Variants in GET4 observed in about 807,000 individuals in gnomAD.
GET4 encodes Golgi to ER traffic protein 4 homolog.
A neutral mutation model predicts 40.0 loss-of-function variants in GET4; 20 were observed. The ratio of observed to expected loss-of-function variants is 0.50; its 90% CI spans 0.35 to 0.73. The LOEUF (loss-of-function observed/expected upper bound fraction) is 0.73, where lower values mean the gene tolerates loss of function less well. GET4 is among the 30% of genes least tolerant of loss of function. GET4 has a pLI of 0.01. For synonymous variants in GET4, 280 were observed against 194.6 expected, an observed-to-expected ratio of 1.44 and a Z score of -3.65; for missense variants, 557 against 454.0, an observed-to-expected ratio of 1.23 and a Z score of -2.06.
chr7:884,169 C>G, intron 1 of GET4: 1 of 1,293,982 alleles, frequency 7.7e-7, no homozygotes, highest in Non-Finnish European at 1.0e-6. Context: ...ATCGGCAAAG[C>G]AGAAGCTGGT....
intron 6 of GET4, 121 bp downstream of exon 6, chr7:892,539 G>C (rs1281681722): frequency 2.9e-6 from 3 of 1,041,984 alleles, no homozygotes; most frequent in Non-Finnish European, 4.2e-6. Flanking sequence ...AGCCGTGTGG[G>C]TATATGCATA....
chr7:884,122 G>C, intron 1 of GET4: 1 of 1,221,222 alleles, frequency 8.2e-7, no homozygotes, highest in Non-Finnish European at 1.1e-6. Context: ...GCCACCTCTT[G>C]CTTTACCTCA....
chr7:891,957 G>T (rs1844333082), intron 5 of GET4, among the ~76,000 whole-genome samples: 1 of 152,210 alleles, frequency 6.6e-6, no homozygotes, highest in African/African-American at 2.4e-5. Flanking sequence ...TCTGGTGCGG[G>T]CCAGCGCCTG....
chr7:895,894 A>AACAC lies in GET4; in HGVS notation c.*473_*476dup, dbSNP rs1487261773. ...CTGCAAATGGGAGCGGCTGTTTTTG[A>AACAC]ACACGGGGTCATTCTGCAGTCAGGA... On this transcript the variant is annotated 3_prime_UTR_variant, in exon 9 of 9. Transcript: ENST00000265857. The AACAC allele has an allele frequency of 2.0e-5, 3 of 152,638 alleles. No individual in the cohort carries two copies. The highest frequency in any genetic ancestry group is 4.4e-5 in the Non-Finnish European group (3 of 68,298). The allele number at this position is 152,638 out of a possible 1,614,324, so 9.5% of individuals were successfully genotyped here.
At chr7:878,681 C>G (rs894580174) in intron 1 of GET4, among the ~76,000 whole-genome samples, 1 of 151,326 alleles carries the variant, frequency 6.6e-6, no homozygotes, top group African/African-American at 2.4e-5. Flanking sequence ...CGAGTTCAAG[C>G]TATATTCTCC....
At chr7:881,879 C>T (rs1428690741) in intron 1 of GET4, 1 of 152,226 alleles carries the variant, frequency 6.6e-6, no homozygotes, top group Non-Finnish European at 1.5e-5. Flanking sequence ...CTTTCTGTCC[C>T]TGTGTTCTCA....
At chr7:878,885 C>T (rs780338706) in intron 1 of GET4, among the ~76,000 whole-genome samples, 3 of 152,090 alleles carry the variant, frequency 2.0e-5, no homozygotes, top group African/African-American at 4.8e-5. Context: ...GGCCAGTAGA[C>T]TTTACTTTTT....
rs1191962976 is a variant in GET4, at chr7:896,340, A to G, written c.*918A>G. 1 of 152,190 alleles carries G rather than the reference A, an allele frequency of 6.6e-6. No homozygotes were observed. Among genetic ancestry groups the G allele is most frequent in the Non-Finnish European group, 1.5e-5 (1 of 68,040 alleles). 9.4% of individuals were successfully genotyped at this position (152,190 alleles called of 1,614,324 possible). On this transcript the variant is annotated 3_prime_UTR_variant, in exon 9 of 9. Transcript: ENST00000265857. ...GTTGTAGATTGATACGCAGTTGTGC[A>G]TGGGAAGGGGAAACGCACAGCTTTA...
At chr7:895,190 C>A (rs1448926465) in intron 8 of GET4, 144 bp from the exon 9 acceptor site, 2 of 488,374 alleles carry the variant, frequency 4.1e-6, no homozygotes, top group Non-Finnish European at 7.6e-6. Flanking sequence ...CCCGGGGTTC[C>A]TGGGTCGTAG....
rs1357219702 is a variant in GET4 at position 895,529 on chromosome 7, G to A, written c.*107G>A. Reference sequence around the variant, plus strand: ...CTTGGGGGCTCCTGGCCCTGAGGCTGGCGGTGGCCGCATGCCGGCGCGTGT... The same window carrying A: ...CTTGGGGGCTCCTGGCCCTGAGGCTAGCGGTGGCCGCATGCCGGCGCGTGT... On this transcript the variant is annotated 3_prime_UTR_variant, in exon 9 of 9. Coordinates refer to ENST00000265857, the MANE Select transcript of GET4 (RefSeq NM_015949.3). The A allele has an allele frequency of 5.3e-6, 3 of 569,856 alleles. No homozygotes were observed. The highest frequency in any genetic ancestry group is 3.8e-5 in the African/African-American group (2 of 51,954). 35.3% of individuals were successfully genotyped at this position (569,856 alleles called of 1,614,324 possible).
Position 886,076 on chromosome 7 carries a change from A to G in GET4, c.176A>G (p.His59Arg). 1.9e-6 allele frequency: 3 copies of G among 1,608,704 alleles called. No individual in the cohort carries two copies. Among genetic ancestry groups the G allele is most frequent in the Non-Finnish European group, 2.5e-6 (3 of 1,176,556 alleles). ...LFFRYMSQSKHTEARELMYSG... is the reference protein window; with the variant it reads ...LFFRYMSQSKRTEARELMYSG... Reference sequence around the variant, plus strand: ...GGCAGGTACATGTCCCAGAGCAAGCACACGGAGGCCCGGGAGCTCATGTAC... The same window carrying G: ...GGCAGGTACATGTCCCAGAGCAAGCGCACGGAGGCCCGGGAGCTCATGTAC... The change falls in exon 2 of 9, where the codon CAC becomes CGC. Residue 59 changes from histidine to arginine, a missense_variant. His to Arg is a conservative substitution (Grantham distance 29). Coordinates refer to ENST00000265857, the MANE Select transcript of GET4 (RefSeq NM_015949.3).
rs921740594 is a variant in GET4, at chr7:883,695, C to T, written c.156-2361C>T. On this transcript the variant is annotated intron_variant, in intron 1 of 8. Transcript: ENST00000265857. Reference sequence around the variant, plus strand: ...AGAGCCGGGCCGGGAGAAGGCCCGGCCATGCCCAGCTGCCCCCCACTCTCC... The same window carrying T: ...AGAGCCGGGCCGGGAGAAGGCCCGGTCATGCCCAGCTGCCCCCCACTCTCC... 48 of 985,868 alleles carry T rather than the reference C, an allele frequency of 4.9e-5. No individual in the cohort carries two copies. In the African/African-American group the frequency reaches 7.1e-4, roughly 15 times the overall value. The allele number at this position is 985,868 out of a possible 1,614,324, so 61.1% of individuals were successfully genotyped here.
At chr7:888,001 T>TA (rs529160067) in intron 4 of GET4, among the ~76,000 whole-genome samples, 1 of 152,080 alleles carries the variant, frequency 6.6e-6, no homozygotes, top group Non-Finnish European at 1.5e-5. Context: ...TGGTGCTGGG[T>TA]AGATATTCAT....
At chr7:893,081 TGTTGGGTGC>T in intron 6 of GET4, among the ~76,000 whole-genome samples, 1 of 137,742 alleles carries the variant, frequency 7.3e-6, no homozygotes, top group Non-Finnish European at 1.5e-5. Flanking sequence ...TGCAGGCGAG[TGTTGGGTGC>T]GGGCGTGGTG....
At chr7:892,159 C>T in intron 5 of GET4, 119 bp from the exon 6 acceptor site, 1 of 1,005,984 alleles carries the variant, frequency 9.9e-7, no homozygotes, top group Non-Finnish European at 1.5e-6. Flanking sequence ...CCTCCATGGC[C>T]TTGGGCCGCA....
intron 1 of GET4, chr7:884,061 T>A (rs761207176): frequency 2.5e-6 from 3 of 1,180,140 alleles, no homozygotes; most frequent in Non-Finnish European, 3.2e-6. Context: ...CGTGCAGGAA[T>A]ATGGGTCACT....
At chr7:890,391 A>G (rs1450739314) in intron 4 of GET4, among the ~76,000 whole-genome samples, 1 of 44,936 alleles carries the variant, frequency 2.2e-5, no homozygotes, top group South Asian at 1.1e-3. Flanking sequence ...CTGGGAGTGG[A>G]GGGAGTGTGA....
chr7:894,121 A>ATTAT, intron 8 of GET4, 150 bp downstream of exon 8: 3 of 582,688 alleles, frequency 5.1e-6, no homozygotes, highest in Non-Finnish European at 8.9e-6. Context: ...TTAGTAGGAA[A>ATTAT]TTATTAGATT....
rs1049008386 is a variant in GET4 at position 891,508 on chromosome 7, G to A, written c.605+442G>A. On this transcript the variant is annotated intron_variant, in intron 5 of 8. Coordinates refer to ENST00000265857, the MANE Select transcript of GET4 (RefSeq NM_015949.3). ...CCTGCGTGGTCCCTTCCGCCAGCTC[G>A]GGCGCTGTCTGCTCCTGCGTGGTCC... 5.3e-5 allele frequency among the ~76,000 whole-genome samples: 8 copies of A among 150,326 alleles called. No homozygotes were observed. In the South Asian group the frequency reaches 8.5e-4, roughly 16 times the overall value.
Sources: allele counts gnomAD v4.1 joint callset (sites outside exome capture counted in the v4.1 genomes callset), GRCh38; gene constraint gnomAD v4.1.1; transcripts MANE v1.5; gene names NCBI Gene and HGNC (gene_info 2026-07-23, HGNC 2026-07-21).